Variants in MGRN1 observed in about 807,000 individuals in gnomAD.
MGRN1 encodes E3 ubiquitin-protein ligase MGRN1.
In MGRN1, 29 loss-of-function variants were observed where a neutral mutation model predicts 69.2. That is an observed-to-expected ratio of 0.42 (90% CI 0.31 to 0.57). The LOEUF (loss-of-function observed/expected upper bound fraction) is 0.57, where lower values mean the gene tolerates loss of function less well. MGRN1 is among the 20% of genes least tolerant of loss of function. MGRN1 has a pLI of 0.15. For synonymous variants in MGRN1, 470 were observed against 344.2 expected (o/e 1.37, Z -4.04); for missense variants, 998 against 796.2 (o/e 1.25, Z -3.05).
At chr16:4,672,593 C>G (rs184947263) in intron 9 of MGRN1, 3 of 393,614 alleles carry the variant, frequency 7.6e-6, no homozygotes, top group African/African-American at 4.1e-5. Flanking sequence ...TTTCAGCCGC[C>G]CGGGCATATG....
At chr16:4,677,873 C>T (rs559720965) in intron 11 of MGRN1, among the ~76,000 whole-genome samples, 5 of 145,526 alleles carry the variant, frequency 3.4e-5, no homozygotes, top group African/African-American at 7.6e-5. Context: ...GGCAGGGTCT[C>T]GGTCTGTCAC....
chr16:4,686,720 C>T (rs2079328049), intron 16 of MGRN1: 1 of 1,016,548 alleles, frequency 9.8e-7, no homozygotes. Context: ...GTGAGCGTCC[C>T]AAGGGGAGAG....
chr16:4,641,137 G>A (rs144849477), intron 1 of MGRN1, among the ~76,000 whole-genome samples: 4 of 152,228 alleles, frequency 2.6e-5, no homozygotes, highest in African/African-American at 9.6e-5. Flanking sequence ...TGCTCCTCTT[G>A]GTCCTGAGCT....
At chr16:4,654,025 T>G (rs895011358) in intron 4 of MGRN1, among the ~76,000 whole-genome samples, 14 of 152,192 alleles carry the variant, frequency 9.2e-5, no homozygotes, top group South Asian at 2.1e-4. Flanking sequence ...GTGCTGAGAT[T>G]ACAGCCGTGA....
chr16:4,671,542 C>T (rs945698699), intron 9 of MGRN1, 83 bp downstream of exon 9: 5 of 1,253,070 alleles, frequency 4.0e-6, no homozygotes, highest in East Asian at 4.6e-5. Context: ...TTGCCGGTTC[C>T]CTTCCATGCC....
At chr16:4,636,851 G>A (rs964194600) in intron 1 of MGRN1, among the ~76,000 whole-genome samples, 2 of 152,116 alleles carry the variant, frequency 1.3e-5, no homozygotes, top group African/African-American at 4.8e-5. Context: ...CAGGCTCAGT[G>A]GCTCACACCT....
At chr16:4,650,192 A>C in intron 1 of MGRN1, 173 bp from the exon 2 acceptor site, 1 of 523,106 alleles carries the variant, frequency 1.9e-6, no homozygotes. Flanking sequence ...AATCCCAGCT[A>C]CTCGGGAGGC....
At chr16:4,638,246 TAC>T (rs1567174415) in intron 1 of MGRN1, among the ~76,000 whole-genome samples, 87 of 152,030 alleles carry the variant, frequency 5.7e-4, no homozygotes, top group Admixed American at 1.0e-3. Flanking sequence ...GCGGGTGGAT[TAC>T]GAGGTCAGGA....
Position 4,681,574 on chromosome 16 carries a change from T to C in MGRN1, c.1156T>C (p.Tyr386His). The change falls in exon 13 of 17, where the codon TAC becomes CAC. Residue 386 changes from tyrosine (Y) to histidine (H), a missense_variant. Physicochemically the swap from Tyr to His is moderately conservative, Grantham distance 83. Transcript: ENST00000262370. ...GAACTCTGACAGCGTCCCACCTGGC[T>C]ACGAGCCCATCTCGCTGCTCGAGGC... ...ETNSDSVPPG[Y>H]EPISLLEALN... The C allele has an allele frequency of 2.5e-6, 4 of 1,613,316 alleles. No homozygotes were observed. Among genetic ancestry groups the C allele is most frequent in the Non-Finnish European group, 3.4e-6 (4 of 1,179,896 alleles).
chr16:4,688,079 C>A (rs2079374201), intron 16 of MGRN1: 2 of 985,528 alleles, frequency 2.0e-6, no homozygotes, highest in Non-Finnish European at 2.4e-6. Flanking sequence ...TCGCCGCGGC[C>A]CCCGAAGAAA....
At chr16:4,671,937 ACT>A (rs1368997245) in intron 9 of MGRN1, among the ~76,000 whole-genome samples, 1 of 152,056 alleles carries the variant, frequency 6.6e-6, no homozygotes, top group Non-Finnish European at 1.5e-5. Context: ...AGTCAGTCTC[ACT>A]CTGCTGCTCA....
chr16:4,656,971 A>G (rs999691801), intron 4 of MGRN1, among the ~76,000 whole-genome samples: 3 of 152,216 alleles, frequency 2.0e-5, no homozygotes, highest in African/African-American at 2.4e-5. Flanking sequence ...GCACAGCTAC[A>G]CTGGGGAGGT....
intron 1 of MGRN1, among the ~76,000 whole-genome samples, chr16:4,635,885 G>T (rs1470751768): frequency 6.7e-6 from 1 of 148,306 alleles, no homozygotes; most frequent in African/African-American, 2.5e-5. Context: ...CTGACCTTGT[G>T]ATCTGCCTGC....
chr16:4,634,932 A>G (rs940488371), intron 1 of MGRN1: 1 of 152,232 alleles, frequency 6.6e-6, no homozygotes, highest in African/African-American at 2.4e-5. Context: ...CACTGGCGCC[A>G]CTGCTCACAT....
chr16:4,647,394 T>A (rs565717228), intron 1 of MGRN1, among the ~76,000 whole-genome samples: 104 of 152,304 alleles, frequency 6.8e-4, no homozygotes, highest in Non-Finnish European at 1.1e-3. Context: ...TATTTCAATG[T>A]GGTGGGGCTA....
intron 1 of MGRN1, among the ~76,000 whole-genome samples, chr16:4,641,056 C>T (rs898743273): frequency 6.6e-6 from 1 of 152,216 alleles, no homozygotes; most frequent in Non-Finnish European, 1.5e-5. Context: ...TCTTTCACCT[C>T]CACAGCTGCC....
intron 16 of MGRN1, chr16:4,686,246 C>A (rs770471727): frequency 2.6e-6 from 4 of 1,542,410 alleles, no homozygotes; most frequent in South Asian, 2.4e-5. Flanking sequence ...TGTCTCTCCC[C>A]CTCTCCGCGC....
At chr16:4,639,821 C>T (rs777731638) in intron 1 of MGRN1, 6 of 152,268 alleles carry the variant, frequency 3.9e-5, no homozygotes, top group Non-Finnish European at 7.3e-5. Context: ...GTCTGATAAA[C>T]ATGGGTCAGA....
Position 4,658,693 on chromosome 16 carries a change from C to T in MGRN1, c.561+1330C>T, listed in dbSNP as rs1272254780. 2.0e-5 allele frequency among the ~76,000 whole-genome samples: 3 copies of T among 151,734 alleles called. No homozygotes were observed. In the East Asian group the frequency reaches 5.8e-4, roughly 30 times the overall value. On this transcript the variant is annotated intron_variant, in intron 5 of 16. Transcript: ENST00000262370. ...CGTTTAGCCACTCTCTGTAAAAAGC[C>T]TCCCTTGTCCTTGCATTAAAAATAA...
Sources: gnomAD v4.1 joint callset for allele counts (sites outside exome capture counted in the v4.1 genomes callset) on GRCh38, gnomAD v4.1.1 for gene constraint, MANE v1.5 for transcripts, NCBI Gene and HGNC (gene_info 2026-07-23, HGNC 2026-07-21) for gene names.